Variants in GLIS1 observed in about 807,000 individuals in gnomAD.
The protein encoded by GLIS1 is zinc finger protein GLIS1.
A neutral mutation model predicts 63.8 loss-of-function variants in GLIS1; 24 were observed. The ratio of observed to expected loss-of-function variants is 0.38; its 90% CI spans 0.27 to 0.53. GLIS1 has a LOEUF of 0.53. Ranked by LOEUF, GLIS1 falls within the 20% of genes least tolerant of loss-of-function variation. The pLI is 0.85. For synonymous variants in GLIS1, 450 were observed against 482.5 expected (o/e 0.93, Z 0.88); for missense variants, 1,036 against 1,074.1 (o/e 0.96, Z 0.50).
intron 2 of GLIS1, among the ~76,000 whole-genome samples, chr1:53,644,496 C>T (rs1300936733): frequency 6.6e-6 from 1 of 152,114 alleles, no homozygotes; most frequent in East Asian, 1.9e-4. Flanking sequence ...GGAGGTGACT[C>T]ATAAATAACA....
rs900229377 is a variant in GLIS1, at chr1:53,509,365, G to A, written c.2063-78C>T. On this transcript the variant is annotated intron_variant, in intron 9 of 10. Coordinates refer to ENST00000628545, the MANE Select transcript of GLIS1 (RefSeq NM_001367484.1). ...AGGGAGGGGAACATCCTTGCTGCAC[G>A]CTCCACCTCCCGTGTTGTCCTGTCC... The A allele has an allele frequency of 5.5e-5, 75 of 1,353,648 alleles. No homozygotes were observed. In the African/African-American group the frequency reaches 7.7e-4, roughly 14 times the overall value. 83.9% of individuals were successfully genotyped at this position (1,353,648 alleles called of 1,614,324 possible). A position where few individuals can be genotyped will look rare whatever the true frequency, so the allele number is the denominator to read the frequency against.
intron 2 of GLIS1, among the ~76,000 whole-genome samples, chr1:53,637,817 A>G (rs1411249607): frequency 1.3e-5 from 2 of 152,130 alleles, no homozygotes; most frequent in Non-Finnish European, 2.9e-5. Flanking sequence ...CAGAGCTCTC[A>G]CCATGTATCA....
chr1:53,599,406 C>T (rs1645293125), intron 3 of GLIS1, among the ~76,000 whole-genome samples: 1 of 152,174 alleles, frequency 6.6e-6, no homozygotes, highest in African/African-American at 2.4e-5. Context: ...CAGGTAATGC[C>T]CTGCGCCACC....
At position 53,594,359 on chromosome 1, in the gene GLIS1, G is replaced by A. The variant is rs749215456; in HGVS notation, c.1069C>T (p.Leu357=). 2.5e-6 allele frequency: 4 copies of A among 1,611,404 alleles called. No homozygotes were observed. The East Asian group carries it at 8.9e-5, about 36-fold the overall frequency. The change falls in exon 4 of 11, where the codon CTG becomes TTG. Residue 357 remains leucine, a synonymous_variant. Coordinates refer to ENST00000628545, the MANE Select transcript of GLIS1 (RefSeq NM_001367484.1). ...QLPPGPSLGG[L]GLGLAGRVVA... is the part of the protein sequence containing the mutation. ...ACCCTGCCTGCCAGGCCCAGCCCCA[G>A]GCCTCCAAGGCTTGGGCCAGGCGGC...
At chr1:53,562,923 A>C (rs150495659) in intron 4 of GLIS1, among the ~76,000 whole-genome samples, 14 of 152,374 alleles carry the variant, frequency 9.2e-5, no homozygotes, top group African/African-American at 3.4e-4. Flanking sequence ...AATGACGTGT[A>C]GAGTAGCTAT....
intron 2 of GLIS1, among the ~76,000 whole-genome samples, chr1:53,659,988 T>C (rs1646008851): frequency 6.6e-6 from 1 of 152,218 alleles, no homozygotes; most frequent in Non-Finnish European, 1.5e-5. Context: ...GGTAAGGCTC[T>C]TTCCCTCTCG....
intron 4 of GLIS1, among the ~76,000 whole-genome samples, chr1:53,545,379 C>T (rs942121959): frequency 1.3e-5 from 2 of 152,200 alleles, no homozygotes; most frequent in African/African-American, 2.4e-5. Context: ...ACCTGTCCGG[C>T]GGCATCATGG....
intron 2 of GLIS1, among the ~76,000 whole-genome samples, chr1:53,726,290 T>C (rs1346730790): frequency 6.6e-6 from 1 of 152,110 alleles, no homozygotes; most frequent in East Asian, 1.9e-4. Flanking sequence ...GGGCACATCA[T>C]TTAGCTTCTC....
intron 2 of GLIS1, among the ~76,000 whole-genome samples, chr1:53,608,410 G>T (rs1645393664): frequency 6.6e-6 from 1 of 152,178 alleles, no homozygotes; most frequent in South Asian, 2.1e-4. Flanking sequence ...TTGAGAGGGG[G>T]ACAGTAATAT....
chr1:53,687,536 C>A (rs1646351336), intron 2 of GLIS1, among the ~76,000 whole-genome samples: 1 of 152,174 alleles, frequency 6.6e-6, no homozygotes, highest in Admixed American at 6.5e-5. Context: ...CCTGTGAGAG[C>A]CGAGGAGCTT....
chr1:53,619,120 A>G (rs1188902496), intron 2 of GLIS1, among the ~76,000 whole-genome samples: 1 of 151,976 alleles, frequency 6.6e-6, no homozygotes, highest in Non-Finnish European at 1.5e-5. Flanking sequence ...CTCTGGCCCC[A>G]GCATTTGGAC....
intron 2 of GLIS1, among the ~76,000 whole-genome samples, chr1:53,669,814 C>T (rs867052332): frequency 6.6e-6 from 1 of 152,228 alleles, no homozygotes; most frequent in Non-Finnish European, 1.5e-5. Context: ...CAGCACAAGC[C>T]TGGCCCTGAA....
intron 2 of GLIS1, among the ~76,000 whole-genome samples, chr1:53,672,840 C>G (rs1646167515): frequency 6.6e-6 from 1 of 152,242 alleles, no homozygotes; most frequent in African/African-American, 2.4e-5. Flanking sequence ...TAAAAGCGGG[C>G]CGTGATCTCC....
intron 2 of GLIS1, among the ~76,000 whole-genome samples, chr1:53,687,079 C>G (rs1056149681): frequency 2.6e-5 from 4 of 152,220 alleles, no homozygotes; most frequent in African/African-American, 9.7e-5. Flanking sequence ...GTCACACAGC[C>G]TCCGAGGGGC....
chr1:53,712,420 C>T (rs1646656036), intron 2 of GLIS1, among the ~76,000 whole-genome samples: 2 of 152,188 alleles, frequency 1.3e-5, no homozygotes, highest in Admixed American at 6.5e-5. Flanking sequence ...TAGCAAAGGG[C>T]TTCCTCATCA....
chr1:53,644,394 C>A (rs1441211025), intron 2 of GLIS1, among the ~76,000 whole-genome samples: 7 of 152,192 alleles, frequency 4.6e-5, no homozygotes, highest in African/African-American at 9.7e-5. Context: ...TTCATTAAAC[C>A]TATTAAATCC....
chr1:53,737,760 G>T, intron 2 of GLIS1, 46 bp downstream of exon 2: 1 of 1,230,346 alleles, frequency 8.1e-7, no homozygotes, highest in South Asian at 4.1e-5. Context: ...CGGGCAGCCC[G>T]AATCTCCACA....
chr1:53,511,933 G>A lies in GLIS1; in HGVS notation c.1884-1906C>T, dbSNP rs529628517. 6.6e-5 allele frequency among the ~76,000 whole-genome samples: 10 copies of A among 152,296 alleles called. No homozygotes were observed. Among genetic ancestry groups the A allele is most frequent in the South Asian group, 4.1e-4 (2 of 4,820 alleles). On this transcript the variant is annotated intron_variant, in intron 8 of 10. Coordinates refer to ENST00000628545, the MANE Select transcript of GLIS1 (RefSeq NM_001367484.1). This position sits in a 1 kb window ranked among gnomAD's most constrained non-coding sequence, Gnocchi z 4.2. ...AGGTCTTGGCCCTTCTCGGTCACCC[G>A]GTGCCCAGCGCTGGGCATGGCACAC...
intron 2 of GLIS1, among the ~76,000 whole-genome samples, chr1:53,620,685 G>A (rs996176485): frequency 4.6e-5 from 7 of 152,204 alleles, no homozygotes; most frequent in African/African-American, 2.4e-5. Context: ...GGCTGGGGGT[G>A]GAAGGCGGGA....
Sources: allele counts gnomAD v4.1 joint callset (sites outside exome capture counted in the v4.1 genomes callset), GRCh38; gene constraint gnomAD v4.1.1; non-coding constraint Gnocchi (gnomAD v3.1); transcripts MANE v1.5; gene names NCBI Gene and HGNC (gene_info 2026-07-23, HGNC 2026-07-21).